The following KCNIP4 variants were observed in gnomAD, a reference collection of about 807,000 sequenced individuals.
KCNIP4 encodes Kv channel-interacting protein 4.
In KCNIP4, 12 loss-of-function variants were observed where a neutral mutation model predicts 34.0. That is an observed-to-expected ratio of 0.35 (90% CI 0.23 to 0.57). The LOEUF is 0.57. Ranked by LOEUF, KCNIP4 falls within the 20% of genes least tolerant of loss-of-function variation. The probability of loss-of-function intolerance (pLI) is 0.83; values close to 1 mark genes in which losing one functional copy is unlikely to be tolerated. For synonymous variants in KCNIP4, 124 were observed against 102.2 expected (o/e 1.21, Z -1.29); for missense variants, 238 against 311.7 (o/e 0.76, Z 1.78).
intron 1 of KCNIP4, among the ~76,000 whole-genome samples, chr4:21,088,121 G>T (rs1356092187): frequency 6.6e-6 from 1 of 151,656 alleles, no homozygotes; most frequent in East Asian, 1.9e-4. Flanking sequence ...TGAAATGTTG[G>T]CCCCCTTCAA....
intron 1 of KCNIP4, among the ~76,000 whole-genome samples, chr4:20,934,152 G>C (rs1352047813): frequency 6.6e-6 from 1 of 152,152 alleles, no homozygotes; most frequent in Non-Finnish European, 1.5e-5. Flanking sequence ...AAGTGAAACT[G>C]AAGTTCATAA....
At chr4:21,278,529 CT>C (rs1383514549) in intron 1 of KCNIP4, among the ~76,000 whole-genome samples, 2 of 152,120 alleles carry the variant, frequency 1.3e-5, no homozygotes, top group Non-Finnish European at 2.9e-5. Context: ...TTATCTCCTT[CT>C]TTTTTATGGC....
chr4:21,523,928 T>C (rs557611577), intron 1 of KCNIP4, among the ~76,000 whole-genome samples: 9 of 152,220 alleles, frequency 5.9e-5, no homozygotes, highest in African/African-American at 2.2e-4. Context: ...TTTAATGATA[T>C]ATTGGATAAT....
At chr4:21,595,005 G>C (rs971963913) in intron 1 of KCNIP4, among the ~76,000 whole-genome samples, 1 of 152,044 alleles carries the variant, frequency 6.6e-6, no homozygotes, top group Non-Finnish European at 1.5e-5. Flanking sequence ...TAAGTTCTGG[G>C]ATACGTGTGC....
chr4:21,114,638 C>T (rs7689134), intron 1 of KCNIP4, among the ~76,000 whole-genome samples: 44,853 of 151,950 alleles, frequency 0.3, 7,376 homozygotes, highest in African/African-American at 0.45. Flanking sequence ...TATCATACTC[C>T]GAGTGTTTAC....
chr4:21,025,964 GCA>G (rs1314475189), intron 1 of KCNIP4, among the ~76,000 whole-genome samples: 1 of 152,104 alleles, frequency 6.6e-6, no homozygotes. Context: ...AACAAAACTG[GCA>G]CAGTCTTTGA....
At chr4:21,403,594 C>G (rs778791493) in intron 1 of KCNIP4, among the ~76,000 whole-genome samples, 4 of 152,200 alleles carry the variant, frequency 2.6e-5, no homozygotes, top group Non-Finnish European at 5.9e-5. Context: ...ATCTCTATAA[C>G]CTAATAGAAC....
At chr4:21,928,127 T>TATATATATATATACAC (rs141651426) in intron 1 of KCNIP4, among the ~76,000 whole-genome samples, 2 of 143,920 alleles carry the variant, frequency 1.4e-5, no homozygotes, top group South Asian at 2.3e-4. Context: ...TATATATATA[T>TATATATATATATACAC]ACACACACAC....
At chr4:21,234,048 TAACACATAACA>T in intron 1 of KCNIP4, among the ~76,000 whole-genome samples, 1 of 112,080 alleles carries the variant, frequency 8.9e-6, no homozygotes, top group Non-Finnish European at 1.6e-5. Flanking sequence ...ATAACATATA[TAACACATAACA>T]TATATAACAT....
intron 1 of KCNIP4, among the ~76,000 whole-genome samples, chr4:20,986,199 T>C (rs947806496): frequency 6.6e-6 from 1 of 152,152 alleles, no homozygotes; most frequent in African/African-American, 2.4e-5. Flanking sequence ...TCAGCGTTTT[T>C]CCCATGAAGA....
chr4:20,942,948 A>T (rs1731792959), intron 1 of KCNIP4, among the ~76,000 whole-genome samples: 1 of 152,176 alleles, frequency 6.6e-6, no homozygotes, highest in Admixed American at 6.5e-5. Context: ...CTGGGATTAC[A>T]GGTGTGAGCC....
chr4:21,406,216 T>C (rs979846357), intron 1 of KCNIP4, among the ~76,000 whole-genome samples: 16 of 152,180 alleles, frequency 1.1e-4, no homozygotes, highest in Non-Finnish European at 1.2e-4. Context: ...TGCAGCTAAG[T>C]AGATAATGTG....
At chr4:21,110,558 T>A (rs1749072170) in intron 1 of KCNIP4, among the ~76,000 whole-genome samples, 1 of 152,274 alleles carries the variant, frequency 6.6e-6, no homozygotes, top group Admixed American at 6.5e-5. Flanking sequence ...TTTTTAATTT[T>A]GTTTATATTT....
At chr4:21,279,724 G>A (rs959787543) in intron 1 of KCNIP4, among the ~76,000 whole-genome samples, 8 of 151,936 alleles carry the variant, frequency 5.3e-5, no homozygotes, top group Non-Finnish European at 1.2e-4. Context: ...TGTATATTTT[G>A]GGTGTGTTCA....
intron 1 of KCNIP4, among the ~76,000 whole-genome samples, chr4:21,078,863 T>A (rs1745750621): frequency 6.6e-6 from 1 of 152,042 alleles, no homozygotes; most frequent in Non-Finnish European, 1.5e-5. Context: ...GGAGGCGAAT[T>A]ATTTATTTGG....
Position 21,948,708 on chromosome 4 carries a change from AGCGCACCGCCGCTCGGCCCGGGG to A in KCNIP4, c.-100_-78del. ...GCGTCTGTCCACGGGTCTGCACGGG[AGCGCACCGCCGCTCGGCCCGGGG>A]GCGTCCGTGGCGCTGGGAGCGAGAG... On this transcript the variant is annotated 5_prime_UTR_variant, in exon 1 of 9. Coordinates refer to ENST00000382152, the MANE Select transcript of KCNIP4 (RefSeq NM_025221.6). 1 of 1,453,028 alleles carries A rather than the reference AGCGCACCGCCGCTCGGCCCGGGG, an allele frequency of 6.9e-7. No homozygotes were observed. 90.0% of individuals were successfully genotyped at this position (1,453,028 alleles called of 1,614,324 possible).
intron 1 of KCNIP4, among the ~76,000 whole-genome samples, chr4:21,560,506 T>C (rs1739423589): frequency 6.6e-6 from 1 of 152,116 alleles, no homozygotes; most frequent in Non-Finnish European, 1.5e-5. Flanking sequence ...ATCTTAGCAC[T>C]TACCACAAAA....
At chr4:21,128,538 G>A (rs1016902472) in intron 1 of KCNIP4, among the ~76,000 whole-genome samples, 1 of 152,124 alleles carries the variant, frequency 6.6e-6, no homozygotes, top group Admixed American at 6.5e-5. Flanking sequence ...GAGATTATAA[G>A]GCACCAAAAG....
chr4:21,740,299 T>C (rs1303798788), intron 1 of KCNIP4, among the ~76,000 whole-genome samples: 1 of 152,082 alleles, frequency 6.6e-6, no homozygotes, highest in African/African-American at 2.4e-5. Flanking sequence ...GAAGAAACAC[T>C]TGAAGTCCTG....
Sources: allele counts gnomAD v4.1 joint callset (sites outside exome capture counted in the v4.1 genomes callset), GRCh38; gene constraint gnomAD v4.1.1; transcripts MANE v1.5; gene names NCBI Gene and HGNC (gene_info 2026-07-23, HGNC 2026-07-21).